The following SEZ6L variants were observed in gnomAD, a reference collection of about 807,000 sequenced individuals.
SEZ6L encodes seizure 6-like protein.
SEZ6L carries 37 observed loss-of-function variants against 106.2 expected under a neutral mutation model. The ratio of observed to expected loss-of-function variants is 0.35; its 90% confidence interval spans 0.27 to 0.46. SEZ6L has a LOEUF of 0.46. Among genes scored for constraint, SEZ6L ranks in the 20% least tolerant of loss-of-function variants. The pLI is 1.00. For synonymous variants in SEZ6L, 541 were observed against 570.4 expected (o/e 0.95, Z 0.73); for missense variants, 1,172 against 1,332.8 (o/e 0.88, Z 1.88).
intron 1 of SEZ6L, among the ~76,000 whole-genome samples, chr22:26,171,688 A>G (rs1202216640): frequency 6.6e-6 from 1 of 152,146 alleles, no homozygotes; most frequent in Admixed American, 6.5e-5. Flanking sequence ...TAGCCAGCAT[A>G]TTTTTTAAAT....
At chr22:26,300,169 T>G (rs1365589836) in intron 5 of SEZ6L, among the ~76,000 whole-genome samples, 1 of 152,068 alleles carries the variant, frequency 6.6e-6, no homozygotes, top group Non-Finnish European at 1.5e-5. Flanking sequence ...TTTTTTTAAT[T>G]ATACTTTAAG....
chr22:26,377,960 G>A (rs1252996547), intron 16 of SEZ6L, among the ~76,000 whole-genome samples, 185 bp downstream of exon 16: 1 of 152,044 alleles, frequency 6.6e-6, no homozygotes, highest in Non-Finnish European at 1.5e-5. Context: ...GCAGGTGATT[G>A]GTGCTGAGGA....
chr22:26,338,220 C>T (rs1230109654), intron 9 of SEZ6L, among the ~76,000 whole-genome samples: 2 of 152,294 alleles, frequency 1.3e-5, no homozygotes, highest in East Asian at 3.9e-4. Flanking sequence ...AAGATGATGT[C>T]CAAAAGTTGA....
chr22:26,246,146 C>T (rs188093087), intron 1 of SEZ6L, among the ~76,000 whole-genome samples: 41 of 152,278 alleles, frequency 2.7e-4, no homozygotes, highest in Admixed American at 2.4e-3. Flanking sequence ...TAATAATTGA[C>T]CAAATCTCCT....
At chr22:26,199,115 T>G (rs1206213523) in intron 1 of SEZ6L, among the ~76,000 whole-genome samples, 1 of 152,062 alleles carries the variant, frequency 6.6e-6, no homozygotes, top group East Asian at 1.9e-4. Context: ...GATGAGAAAA[T>G]TGAGGCCTAA....
At chr22:26,228,329 G>A (rs2078695840) in intron 1 of SEZ6L, among the ~76,000 whole-genome samples, 1 of 152,194 alleles carries the variant, frequency 6.6e-6, no homozygotes, top group Non-Finnish European at 1.5e-5. Context: ...AATCAGAGTG[G>A]GGAAATGTGG....
intron 1 of SEZ6L, among the ~76,000 whole-genome samples, chr22:26,281,329 C>G (rs547152759): frequency 5.3e-4 from 80 of 152,136 alleles, no homozygotes; most frequent in Middle Eastern, 3.4e-3. Flanking sequence ...TTCTCAGCCT[C>G]CAGAATTGTA....
chr22:26,219,618 G>T lies in SEZ6L; in HGVS notation c.94+49855G>T, dbSNP rs1171997057. Among the ~76,000 whole-genome samples the T allele has an allele frequency of 2.6e-5, 4 of 152,126 alleles. No individual in the cohort carries two copies. In the East Asian group the frequency reaches 7.7e-4, roughly 29 times the overall value. On this transcript the variant is annotated intron_variant, in intron 1 of 16. Transcript: ENST00000248933. ...TAAAAATCTGAGGCCATGAGAAAAA[G>T]AAATAATAATTAAAACAACTAAGAG...
intron 6 of SEZ6L, among the ~76,000 whole-genome samples, chr22:26,309,362 TG>T (rs2081741075): frequency 2.0e-5 from 3 of 152,206 alleles, no homozygotes. Context: ...ACCTGTAAGA[TG>T]GGTCAGAACG....
chr22:26,238,586 A>T (rs2079020318), intron 1 of SEZ6L, among the ~76,000 whole-genome samples: 2 of 152,380 alleles, frequency 1.3e-5, no homozygotes, highest in South Asian at 4.1e-4. Flanking sequence ...TACATAAATA[A>T]TAACAGCTGT....
At chr22:26,200,921 T>C (rs1940900777) in intron 1 of SEZ6L, among the ~76,000 whole-genome samples, 1 of 152,070 alleles carries the variant, frequency 6.6e-6, no homozygotes. Flanking sequence ...ACCTTCCATA[T>C]GACTTACCTC....
Position 26,219,878 on chromosome 22 carries a change from G to A in SEZ6L, c.94+50115G>A, listed in dbSNP as rs5761415. Reference sequence around the variant, plus strand: ...ATAACTAGGTGATGGGTTGACAAGCGCAACAAACCACCATGGGACACGTTT... The same window carrying A: ...ATAACTAGGTGATGGGTTGACAAGCACAACAAACCACCATGGGACACGTTT... On this transcript the variant is annotated intron_variant, in intron 1 of 16. Transcript: ENST00000248933. Among the ~76,000 whole-genome samples the A allele has an allele frequency of 3.3e-3, 503 of 152,218 alleles. 13 individuals carry two copies. In the South Asian group the frequency reaches 0.061, roughly 18 times the overall value.
chr22:26,225,423 C>A (rs190160239), intron 1 of SEZ6L, among the ~76,000 whole-genome samples: 1 of 152,072 alleles, frequency 6.6e-6, no homozygotes, highest in African/African-American at 2.4e-5. Flanking sequence ...CTATTAGACT[C>A]GGATTGGCTG....
chr22:26,331,898 G>A (rs1195222641), intron 9 of SEZ6L, among the ~76,000 whole-genome samples: 2 of 152,098 alleles, frequency 1.3e-5, no homozygotes, highest in Non-Finnish European at 2.9e-5. Context: ...CAGGAGAATG[G>A]CTTAAACCCG....
chr22:26,371,892 T>C (rs2084049155), intron 13 of SEZ6L, among the ~76,000 whole-genome samples: 1 of 152,090 alleles, frequency 6.6e-6, no homozygotes, highest in South Asian at 2.1e-4. Context: ...CACCACCAAC[T>C]CTGTAAGGAA....
intron 1 of SEZ6L, among the ~76,000 whole-genome samples, chr22:26,263,929 T>G (rs1165243149): frequency 6.6e-6 from 1 of 152,220 alleles, no homozygotes; most frequent in African/African-American, 2.4e-5. Context: ...TGGACTGATC[T>G]TTTTGCTTCC....
intron 1 of SEZ6L, among the ~76,000 whole-genome samples, chr22:26,207,353 A>C (rs1941328175): frequency 6.6e-6 from 1 of 152,210 alleles, no homozygotes; most frequent in Non-Finnish European, 1.5e-5. Flanking sequence ...TTGTTGCTTC[A>C]TCACCTGAAG....
intron 12 of SEZ6L, among the ~76,000 whole-genome samples, chr22:26,356,656 A>G (rs1340758203): frequency 3.1e-5 from 2 of 64,302 alleles, no homozygotes; most frequent in Non-Finnish European, 3.9e-5. Context: ...AATAATAATA[A>G]TAATAATAAT....
intron 1 of SEZ6L, among the ~76,000 whole-genome samples, chr22:26,195,487 T>C (rs946975016): frequency 6.6e-6 from 1 of 152,214 alleles, no homozygotes; most frequent in African/African-American, 2.4e-5. Flanking sequence ...AATGAGATCA[T>C]AATATGTAAA....
Sources: gnomAD v4.1 joint callset for allele counts (sites outside exome capture counted in the v4.1 genomes callset) on GRCh38, gnomAD v4.1.1 for gene constraint, MANE v1.5 for transcripts, NCBI Gene and HGNC (gene_info 2026-07-23, HGNC 2026-07-21) for gene names.